GRIP1: variants seen among roughly 807,000 people sequenced by gnomAD.
GRIP1 encodes glutamate receptor-interacting protein 1.
In GRIP1, 45 loss-of-function variants were observed where a neutral mutation model predicts 129.9. The observed-to-expected ratio is 0.35, with a 90% confidence interval of 0.27 to 0.44. The LOEUF (loss-of-function observed/expected upper bound fraction) is 0.44, where lower values mean the gene tolerates loss of function less well. Ranked by LOEUF, GRIP1 falls within the 20% of genes least tolerant of loss-of-function variation. The pLI, the probability that GRIP1 is intolerant of heterozygous loss-of-function variation, is 1.00. For synonymous variants in GRIP1, 530 were observed against 520.8 expected (o/e 1.02, Z -0.24); for missense variants, 1,196 against 1,396.8 (o/e 0.86, Z 2.29).
At chr12:66,724,247 C>T (rs1164042030) in intron 1 of GRIP1, among the ~76,000 whole-genome samples, 1 of 152,164 alleles carries the variant, frequency 6.6e-6, no homozygotes, top group African/African-American at 2.4e-5. Context: ...TATCAGCATG[C>T]TTTTCAGCAA....
At chr12:66,424,302 T>A (rs6581688) in intron 14 of GRIP1, among the ~76,000 whole-genome samples, 72,795 of 152,086 alleles carry the variant, frequency 0.48, 20,674 homozygotes, top group Non-Finnish European at 0.63. Flanking sequence ...ATATTACTTT[T>A]TAAAATGTAT....
At chr12:66,804,079 T>C (rs1216608534) in exon 1 of GRIP1, 3 of 455,800 alleles carry the variant, frequency 6.6e-6, no homozygotes, top group African/African-American at 2.0e-5. Context: ...AGCGTAATAA[T>C]AGACATCCTC....
chr12:66,681,714 C>A (rs562298576), upstream of GRIP1, among the ~76,000 whole-genome samples: 1 of 152,022 alleles, frequency 6.6e-6, no homozygotes, highest in South Asian at 2.1e-4. Flanking sequence ...TTGATTAAGC[C>A]CCAATGTGAT....
At chr12:66,869,310 C>CA (rs1566058610) in intron 1 of GRIP1, among the ~76,000 whole-genome samples, 2 of 152,022 alleles carry the variant, frequency 1.3e-5, no homozygotes, top group Admixed American at 6.6e-5. Flanking sequence ...CTGCTTCACT[C>CA]ATCTACTAGA....
intron 2 of GRIP1, chr12:66,568,254 G>A (rs114234139): frequency 0.011 from 2,019 of 179,296 alleles, 47 homozygotes; most frequent in African/African-American, 0.046. Flanking sequence ...TTTCCTTCTT[G>A]CATGAAAGGC....
At chr12:66,364,337 AG>A (rs1474155239) in intron 23 of GRIP1, among the ~76,000 whole-genome samples, 2 of 151,812 alleles carry the variant, frequency 1.3e-5, no homozygotes, top group Non-Finnish European at 2.9e-5. Context: ...GAGGTGTGAA[AG>A]GAAAATAAAA....
At chr12:66,830,431 A>T (rs976297025) in intron 1 of GRIP1, among the ~76,000 whole-genome samples, 1 of 152,106 alleles carries the variant, frequency 6.6e-6, no homozygotes, top group Non-Finnish European at 1.5e-5. Context: ...GTGAGCCTTG[A>T]AGATGTTACA....
intron 1 of GRIP1, among the ~76,000 whole-genome samples, chr12:66,737,984 G>C (rs555212750): frequency 1.3e-5 from 2 of 152,264 alleles, no homozygotes; most frequent in East Asian, 3.9e-4. Flanking sequence ...AGGAATCAAG[G>C]AAGGATTCAC....
intron 15 of GRIP1, among the ~76,000 whole-genome samples, chr12:66,412,190 A>G (rs1354207235): frequency 6.6e-6 from 1 of 152,222 alleles, no homozygotes. Flanking sequence ...TGGATTCTCC[A>G]AGGTCGAAAT....
intron 2 of GRIP1, among the ~76,000 whole-genome samples, chr12:66,555,842 C>T (rs1282983541): frequency 6.6e-6 from 1 of 151,826 alleles, no homozygotes; most frequent in Non-Finnish European, 1.5e-5. Flanking sequence ...AATTAATGAA[C>T]TTGAAGACAG....
At chr12:66,466,189 C>A (rs1386390571) in intron 7 of GRIP1, among the ~76,000 whole-genome samples, 1 of 152,212 alleles carries the variant, frequency 6.6e-6, no homozygotes. Flanking sequence ...TGGTAAGATG[C>A]TTTTCACATG....
intron 15 of GRIP1, among the ~76,000 whole-genome samples, chr12:66,409,794 T>C (rs970541174): frequency 6.6e-6 from 1 of 152,162 alleles, no homozygotes; most frequent in Non-Finnish European, 1.5e-5. Context: ...GTTTTGAGTG[T>C]GTGATAATAC....
At chr12:66,828,836 G>T (rs115934212) in intron 1 of GRIP1, among the ~76,000 whole-genome samples, 229 of 152,220 alleles carry the variant, frequency 1.5e-3, no homozygotes, top group African/African-American at 5.4e-3. Context: ...ATTAAGGGAA[G>T]GGATTTAACT....
intron 1 of GRIP1, among the ~76,000 whole-genome samples, chr12:66,686,215 C>A (rs1207388154): frequency 1.3e-5 from 2 of 152,174 alleles, no homozygotes; most frequent in Admixed American, 6.5e-5. Flanking sequence ...ATTCCTGGTG[C>A]TTCTGACAAG....
intron 16 of GRIP1, 65 bp downstream of exon 16, chr12:66,406,218 C>CT (rs1350175685): frequency 6.7e-7 from 1 of 1,483,106 alleles, no homozygotes; most frequent in African/African-American, 1.4e-5. Flanking sequence ...ACATCAAGAT[C>CT]TAATATCTTT....
intron 14 of GRIP1, among the ~76,000 whole-genome samples, chr12:66,421,897 T>C (rs556244749): frequency 5.3e-5 from 8 of 152,038 alleles, no homozygotes; most frequent in African/African-American, 1.9e-4. Flanking sequence ...TTATAGTCCA[T>C]ATAAATACAA....
intron 1 of GRIP1, among the ~76,000 whole-genome samples, chr12:66,737,552 G>A (rs2036646360): frequency 6.6e-6 from 1 of 152,060 alleles, no homozygotes; most frequent in Non-Finnish European, 1.5e-5. Context: ...AAAGTGCTAG[G>A]ATTACAGGCA....
At chr12:66,617,313 T>C (rs2139935552) in intron 1 of GRIP1, among the ~76,000 whole-genome samples, 1 of 150,380 alleles carries the variant, frequency 6.6e-6, no homozygotes, top group Admixed American at 6.6e-5. Context: ...AAAAAGATGC[T>C]TGCAAGTTAC....
intron 11 of GRIP1, 40 bp from the exon 12 acceptor site, chr12:66,445,548 C>T: frequency 6.7e-7 from 1 of 1,481,612 alleles, no homozygotes. Flanking sequence ...TAGGTTGGAG[C>T]AAGCACCAGG....
Sources: allele counts gnomAD v4.1 joint callset (sites outside exome capture counted in the v4.1 genomes callset), GRCh38; gene constraint gnomAD v4.1.1; transcripts MANE v1.5; gene names NCBI Gene and HGNC (gene_info 2026-07-23, HGNC 2026-07-21).